Variants in COL21A1 observed in about 807,000 individuals in gnomAD.
COL21A1 encodes collagen type XXI alpha 1 chain.
In COL21A1, 149 loss-of-function variants were observed where a neutral mutation model predicts 137.9. The observed-to-expected ratio is 1.08, with a 90% CI of 0.95 to 1.24. The LOEUF is 1.24. Among genes scored for constraint, COL21A1 ranks in the 50% most tolerant of loss-of-function variants. COL21A1 has a pLI of 0.00. For synonymous variants in COL21A1, 456 were observed against 391.5 expected (o/e 1.16, Z -1.95); for missense variants, 1,167 against 1,158.4 (o/e 1.01, Z -0.11).
At position 56,141,779 on chromosome 6, in the gene COL21A1, G is replaced by A. The variant is rs747884833; in HGVS notation, c.1542+6C>T. 15 of 1,613,302 alleles carry A rather than the reference G, an allele frequency of 9.3e-6. No individual in the cohort carries two copies. Among genetic ancestry groups the A allele is most frequent in the Non-Finnish European group, 1.1e-5 (13 of 1,179,526 alleles). On this transcript the variant is annotated splice_donor_region_variant and intron_variant, in intron 12 of 29. Transcript: ENST00000244728. ...CACCATTGATTGCATTTTTGTGTGT[G>A]TTTACCTTGTCACCATCTCGCCCTG...
At chr6:56,073,437 A>T (rs1270291244) in intron 20 of COL21A1, among the ~76,000 whole-genome samples, 1 of 151,504 alleles carries the variant, frequency 6.6e-6, no homozygotes, top group East Asian at 1.9e-4. Flanking sequence ...AATTAAAAGT[A>T]AAATAGAGTA....
Position 56,060,789 on chromosome 6 carries a change from C to G in COL21A1, c.2359G>C (p.Glu787Gln). Residue 787 changes from glutamate (E) to glutamine (Q), a missense_variant, in exon 27 of 30, where the codon GAG (glutamate) becomes CAG (glutamine). Physicochemically the swap from Glu to Gln is conservative, Grantham distance 29. Coordinates refer to ENST00000244728, the MANE Select transcript of COL21A1 (RefSeq NM_030820.4). ...PPGLDGKPGR[E>Q]FSEQFIRQVC... ...TGTCGAATAAATTGTTCTGAAAACTCTCTTCCCTGCATCAAAGTGTTAGGG... is the reference window on the plus strand; with the variant it reads ...TGTCGAATAAATTGTTCTGAAAACTGTCTTCCCTGCATCAAAGTGTTAGGG... 4 of 1,609,936 alleles carry G rather than the reference C, an allele frequency of 2.5e-6. No individual in the cohort carries two copies. Among genetic ancestry groups the G allele is most frequent in the Non-Finnish European group, 3.4e-6 (4 of 1,178,850 alleles).
At chr6:56,216,575 A>C (rs569513135) in intron 1 of COL21A1, among the ~76,000 whole-genome samples, 1 of 152,250 alleles carries the variant, frequency 6.6e-6, no homozygotes, top group African/African-American at 2.4e-5. Context: ...ATCAAAAGAA[A>C]TTCTTGATAA....
At chr6:56,147,269 T>A (rs1483246360) in intron 10 of COL21A1, among the ~76,000 whole-genome samples, 1 of 152,150 alleles carries the variant, frequency 6.6e-6, no homozygotes, top group African/African-American at 2.4e-5. Context: ...TCCATAGTAC[T>A]TAACACCATC....
rs200428027 is a variant in COL21A1, at chr6:56,276,806, T to TTG, written c.-38-94151_-38-94150insCA. 5.4e-4 allele frequency: 465 copies of TTG among 858,506 alleles called. 2 individuals are homozygous for TTG. The Middle Eastern group carries it at 7.5e-3, about 14-fold the overall frequency. 53.2% of individuals were successfully genotyped at this position (858,506 alleles called of 1,614,324 possible). A position where few individuals can be genotyped will look rare whatever the true frequency, so the allele number is the denominator to read the frequency against. On this transcript the variant is annotated intron_variant, in intron 1 of 28. Coordinates refer to the COL21A1 transcript ENST00000370819. ...GTTGTTCAGTGAGTTGTGTTTTTTT[T>TTG]GTTTTTTTTGTTTTTTTTTTGAGAC...
chr6:56,274,510 A>C (rs2152332917), intron 1 of COL21A1, among the ~76,000 whole-genome samples: 1 of 152,348 alleles, frequency 6.6e-6, no homozygotes, highest in Middle Eastern at 3.4e-3. Context: ...AAATGACTTC[A>C]AAAAAGTTTC....
intron 1 of COL21A1, among the ~76,000 whole-genome samples, chr6:56,363,816 T>C (rs1424502987): frequency 6.6e-6 from 1 of 152,186 alleles, no homozygotes; most frequent in Non-Finnish European, 1.5e-5. Context: ...CCAAGGGGAC[T>C]GTGCCTTCCT....
chr6:56,142,070 A>C, intron 10 of COL21A1, 87 bp from the exon 11 acceptor site: 12 of 972,608 alleles, frequency 1.2e-5, no homozygotes, highest in African/African-American at 1.8e-5. Flanking sequence ...CTCTTATCTC[A>C]AGTTTCTCAT....
intron 1 of COL21A1, among the ~76,000 whole-genome samples, chr6:56,227,165 C>T (rs993484610): frequency 1.3e-5 from 2 of 151,902 alleles, no homozygotes; most frequent in Non-Finnish European, 2.9e-5. Flanking sequence ...TTGGCAGCTG[C>T]ACATTCAATG....
chr6:56,367,388 T>C (rs756202622), intron 1 of COL21A1, among the ~76,000 whole-genome samples: 1 of 152,172 alleles, frequency 6.6e-6, no homozygotes, highest in East Asian at 1.9e-4. Context: ...GAGTGGGCAA[T>C]TGGTTTAGAT....
intron 17 of COL21A1, among the ~76,000 whole-genome samples, chr6:56,085,107 C>G (rs547084030): frequency 1.3e-4 from 20 of 152,082 alleles, no homozygotes; most frequent in African/African-American, 4.8e-4. Context: ...CCCATTTTCC[C>G]ACAGTCATAG....
intron 16 of COL21A1, among the ~76,000 whole-genome samples, chr6:56,119,859 A>C (rs1423241456): frequency 6.6e-6 from 1 of 152,220 alleles, no homozygotes. Flanking sequence ...GTTCCTATGC[A>C]GAACAATGAA....
At chr6:56,224,321 C>T (rs1237718994) in intron 1 of COL21A1, among the ~76,000 whole-genome samples, 2 of 152,108 alleles carry the variant, frequency 1.3e-5, no homozygotes, top group Non-Finnish European at 2.9e-5. Context: ...ATCTCAGGCT[C>T]ATAGTTCTTG....
intron 12 of COL21A1, 40 bp from the exon 13 acceptor site, chr6:56,126,189 T>A (rs937975340): frequency 7.4e-7 from 1 of 1,346,106 alleles, no homozygotes; most frequent in Non-Finnish European, 1.0e-6. Context: ...GAAAAACCAT[T>A]CCAGCCTAAA....
At chr6:56,178,300 T>C (rs1232846381) in intron 3 of COL21A1, among the ~76,000 whole-genome samples, 1 of 152,118 alleles carries the variant, frequency 6.6e-6, no homozygotes, top group African/African-American at 2.4e-5. Flanking sequence ...GTATGATAAA[T>C]GTCAACAAAA....
chr6:56,130,273 G>A (rs761239055), intron 12 of COL21A1, among the ~76,000 whole-genome samples: 21 of 143,588 alleles, frequency 1.5e-4, no homozygotes, highest in Non-Finnish European at 2.9e-4. Context: ...TTATATACAT[G>A]TATATTATAT....
At chr6:56,205,142 T>C (rs12194092) in intron 1 of COL21A1, among the ~76,000 whole-genome samples, 15,062 of 152,074 alleles carry the variant, frequency 0.099, 916 homozygotes, top group African/African-American at 0.17. Context: ...GTTTGACAAA[T>C]TGACAGAAGT....
At position 56,060,294 on chromosome 6, in the gene COL21A1, A is replaced by C. The variant is rs941645189; in HGVS notation, c.2408-76T>G. 5.6e-6 allele frequency: 7 copies of C among 1,242,060 alleles called. No individual in the cohort carries two copies. In the African/African-American group the frequency reaches 7.8e-5, roughly 14 times the overall value. 76.9% of individuals were successfully genotyped at this position (1,242,060 alleles called of 1,614,324 possible). A position where few individuals can be genotyped will look rare whatever the true frequency, so the allele number is the denominator to read the frequency against. On this transcript the variant is annotated intron_variant, in intron 27 of 29. Coordinates refer to ENST00000244728, the MANE Select transcript of COL21A1 (RefSeq NM_030820.4). ...GTTAATTATATTTTTAATTTTTTTC[A>C]GTTTACAGAGAAAAAACTACGAACA...
At chr6:56,117,502 T>C (rs943224883) in intron 16 of COL21A1, among the ~76,000 whole-genome samples, 1 of 151,950 alleles carries the variant, frequency 6.6e-6, no homozygotes, top group African/African-American at 2.4e-5. Context: ...ACTTCATCAT[T>C]CCATTTTCAG....
Sources: allele counts gnomAD v4.1 joint callset (sites outside exome capture counted in the v4.1 genomes callset), GRCh38; gene constraint gnomAD v4.1.1; transcripts MANE v1.5; gene names NCBI Gene and HGNC (gene_info 2026-07-23, HGNC 2026-07-21).